Variants in LDLRAD4 observed in about 807,000 individuals in gnomAD.
The protein encoded by LDLRAD4 is low density lipoprotein receptor class A domain containing 4.
In LDLRAD4, 5 loss-of-function variants were observed where a neutral mutation model predicts 17.0. The ratio of observed to expected loss-of-function variants is 0.29; its 90% CI spans 0.15 to 0.62. The LOEUF is 0.62. Among genes scored for constraint, LDLRAD4 ranks in the 20% least tolerant of loss-of-function variants. The pLI, the probability that LDLRAD4 is intolerant of heterozygous loss-of-function variation, is 0.84. For missense variants in LDLRAD4, 340 were observed against 424.7 expected (o/e 0.80, Z 1.75); for synonymous variants, 168 against 171.8 (o/e 0.98, Z 0.17).
At chr18:13,532,755 C>T (rs897584772) in intron 3 of LDLRAD4, among the ~76,000 whole-genome samples, 7 of 152,202 alleles carry the variant, frequency 4.6e-5, no homozygotes, top group South Asian at 2.1e-4. Flanking sequence ...ATAGCAGTGG[C>T]GCTTGTGAAA....
At chr18:13,498,404 G>A (rs1465853459) in intron 3 of LDLRAD4, among the ~76,000 whole-genome samples, 1 of 136,854 alleles carries the variant, frequency 7.3e-6, no homozygotes, top group South Asian at 2.3e-4. Context: ...TACGTCCCCA[G>A]CCATAGACAC....
intron 3 of LDLRAD4, among the ~76,000 whole-genome samples, chr18:13,554,940 G>A (rs972489327): frequency 1.2e-4 from 18 of 152,168 alleles, no homozygotes; most frequent in Admixed American, 9.2e-4. Flanking sequence ...CAACACTGAC[G>A]TTGGCGTTAC....
intron 1 of LDLRAD4, among the ~76,000 whole-genome samples, chr18:13,319,311 C>A (rs2081097857): frequency 6.6e-6 from 1 of 152,168 alleles, no homozygotes; most frequent in Non-Finnish European, 1.5e-5. Flanking sequence ...CAGAGGTGCG[C>A]AGTGGCGGGG....
At chr18:13,487,845 G>C (rs903911707) in intron 3 of LDLRAD4, 1 of 152,796 alleles carries the variant, frequency 6.5e-6, no homozygotes, top group Admixed American at 6.5e-5. Context: ...GATCTGGGGA[G>C]GGGGGAGTGC....
chr18:13,327,083 G>T (rs532340760), intron 1 of LDLRAD4, among the ~76,000 whole-genome samples: 24 of 152,216 alleles, frequency 1.6e-4, no homozygotes, highest in Non-Finnish European at 2.5e-4. Context: ...CTAGAAGTCA[G>T]TGTCTTGTCC....
At chr18:13,282,898 A>G (rs2045367493) in intron 1 of LDLRAD4, among the ~76,000 whole-genome samples, 1 of 152,240 alleles carries the variant, frequency 6.6e-6, no homozygotes, top group Non-Finnish European at 1.5e-5. Flanking sequence ...ATCTTCTGAA[A>G]TCTAGGCGGA....
chr18:13,431,528 T>C (rs999443044), intron 2 of LDLRAD4, among the ~76,000 whole-genome samples: 1 of 152,212 alleles, frequency 6.6e-6, no homozygotes, highest in Admixed American at 6.5e-5. Context: ...GAAGGGTAAT[T>C]GCAGGTCTGT....
upstream of LDLRAD4, among the ~76,000 whole-genome samples, chr18:13,275,733 A>C (rs2044824146): frequency 6.6e-6 from 1 of 151,944 alleles, no homozygotes; most frequent in Non-Finnish European, 1.5e-5. Context: ...GTACCCTGTA[A>C]ATACATATAC....
chr18:13,263,652 T>C (rs1162317084), intron 1 of LDLRAD4, among the ~76,000 whole-genome samples: 3 of 152,166 alleles, frequency 2.0e-5, no homozygotes, highest in Non-Finnish European at 4.4e-5. Context: ...AATTTCTCCA[T>C]CGATAAAAGG....
intron 2 of LDLRAD4, among the ~76,000 whole-genome samples, chr18:13,392,847 C>A (rs187198228): frequency 1.0e-3 from 155 of 152,270 alleles, no homozygotes; most frequent in Non-Finnish European, 1.6e-3. Context: ...AGAATCAGAT[C>A]TAATTGTTAA....
intron 1 of LDLRAD4, among the ~76,000 whole-genome samples, chr18:13,346,117 G>A (rs1038795497): frequency 9.9e-5 from 15 of 152,206 alleles, no homozygotes; most frequent in African/African-American, 3.4e-4. Flanking sequence ...CTTGCCTTAT[G>A]CTAGCTTTTG....
chr18:13,537,501 C>T (rs894775510), intron 3 of LDLRAD4, among the ~76,000 whole-genome samples: 2 of 152,170 alleles, frequency 1.3e-5, no homozygotes, highest in South Asian at 2.1e-4. Context: ...GGCTCACACA[C>T]CTGTGAGAAT....
Position 13,622,385 on chromosome 18 carries a change from C to T in LDLRAD4, c.336+1114C>T, listed in dbSNP as rs770198719. Among the ~76,000 whole-genome samples, 1 of 152,132 alleles carries T rather than the reference C, an allele frequency of 6.6e-6. No homozygotes were observed. The highest frequency in any genetic ancestry group is 2.4e-5 in the African/African-American group (1 of 41,424). ...GTGCTACCGAGTGCTATCTTCAGACCATGGTGAGGGCTAGACGGGGCAGCC... is the reference window on the plus strand; with the variant it reads ...GTGCTACCGAGTGCTATCTTCAGACTATGGTGAGGGCTAGACGGGGCAGCC... On this transcript the variant is annotated intron_variant, in intron 4 of 5. Transcript: ENST00000359446. The surrounding 1 kb of genome is among the most constrained non-coding windows in gnomAD (Gnocchi z 5.3).
chr18:13,648,126 A>AC (rs759540978), exon 6 of LDLRAD4: 2 of 152,226 alleles, frequency 1.3e-5, no homozygotes, highest in East Asian at 1.9e-4. Flanking sequence ...CAGGAGATGC[A>AC]CCCCACAGCT....
At chr18:13,371,123 A>G (rs1289844892) in intron 1 of LDLRAD4, among the ~76,000 whole-genome samples, 2 of 152,164 alleles carry the variant, frequency 1.3e-5, no homozygotes, top group African/African-American at 2.4e-5. Flanking sequence ...CCGGTGGGCA[A>G]TGCGCCCACC....
At chr18:13,534,920 A>G (rs1035728898) in intron 3 of LDLRAD4, among the ~76,000 whole-genome samples, 1 of 152,220 alleles carries the variant, frequency 6.6e-6, no homozygotes, top group Non-Finnish European at 1.5e-5. Context: ...TACAGTAGAA[A>G]CATGCATTAT....
chr18:13,632,624 G>A (rs1008183252), intron 4 of LDLRAD4, among the ~76,000 whole-genome samples: 14 of 152,230 alleles, frequency 9.2e-5, no homozygotes, highest in African/African-American at 3.4e-4. Flanking sequence ...TGCCCTAAGG[G>A]TCACAGCTCT....
chr18:13,361,386 A>G (rs1231253588), intron 1 of LDLRAD4, among the ~76,000 whole-genome samples: 1 of 152,168 alleles, frequency 6.6e-6, no homozygotes, highest in Non-Finnish European at 1.5e-5. Context: ...GATTTTTAGT[A>G]AGGGATGTTG....
chr18:13,246,182 A>G (rs1034226769), intron 1 of LDLRAD4, among the ~76,000 whole-genome samples: 1 of 152,244 alleles, frequency 6.6e-6, no homozygotes, highest in Non-Finnish European at 1.5e-5. Flanking sequence ...AAGTCACCAC[A>G]AAGCATTCAC....
Sources: gnomAD v4.1 joint callset for allele counts (sites outside exome capture counted in the v4.1 genomes callset) on GRCh38, gnomAD v4.1.1 for gene constraint, Gnocchi (gnomAD v3.1) non-coding constraint, MANE v1.5 for transcripts, NCBI Gene and HGNC (gene_info 2026-07-23, HGNC 2026-07-21) for gene names.